NKAIN3: variants seen among roughly 807,000 people sequenced by gnomAD.
NKAIN3 encodes sodium/potassium-transporting ATPase subunit beta-1-interacting protein 3.
A neutral mutation model predicts 30.2 loss-of-function variants in NKAIN3; 25 were observed. That is an observed-to-expected ratio of 0.83 (90% CI 0.60 to 1.16). The LOEUF is 1.16. NKAIN3 is among the 50% of genes most tolerant of loss of function. The pLI, the probability that NKAIN3 is intolerant of heterozygous loss-of-function variation, is 0.00. For missense variants in NKAIN3, 225 were observed against 254.1 expected (o/e 0.89, Z 0.78); for synonymous variants, 91 against 89.6 (o/e 1.02, Z -0.09).
At chr8:62,404,437 G>A (rs1450906664) in intron 1 of NKAIN3, among the ~76,000 whole-genome samples, 3 of 152,090 alleles carry the variant, frequency 2.0e-5, no homozygotes, top group African/African-American at 7.2e-5. Context: ...GGATGGAGCC[G>A]GTAGGAGGTA....
chr8:62,528,794 C>A (rs1808398185), intron 1 of NKAIN3, among the ~76,000 whole-genome samples: 1 of 152,054 alleles, frequency 6.6e-6, no homozygotes, highest in South Asian at 2.1e-4. Context: ...TTATTTGCAA[C>A]CACAAGCTTG....
In NKAIN3 at chr8:62,698,115, T is replaced by C. The variant is rs143829730; in HGVS notation, c.274-48817T>C. 1.1e-3 allele frequency among the ~76,000 whole-genome samples: 167 copies of C among 151,860 alleles called. 1 individual carries two copies. Among genetic ancestry groups the C allele is most frequent in the Admixed American group, 3.4e-3 (52 of 15,254 alleles). On this transcript the variant is annotated intron_variant, in intron 3 of 6. Transcript: ENST00000623646. ...AGTAACAGATTAAATCAGTACAAACTGGGAAATAGAAAAAAAAGATATAAG... is the reference window on the plus strand; with the variant it reads ...AGTAACAGATTAAATCAGTACAAACCGGGAAATAGAAAAAAAAGATATAAG...
intron 3 of NKAIN3, among the ~76,000 whole-genome samples, chr8:62,663,134 C>G (rs566528693): frequency 3.2e-4 from 48 of 152,086 alleles, no homozygotes; most frequent in African/African-American, 1.2e-3. Context: ...CCTGTGCTGC[C>G]CAAAGCAGAG....
At chr8:62,757,511 C>T (rs760637829) in intron 4 of NKAIN3, among the ~76,000 whole-genome samples, 4 of 152,130 alleles carry the variant, frequency 2.6e-5, no homozygotes, top group African/African-American at 4.8e-5. Context: ...CGTGGTCCTT[C>T]CTGCTGTACC....
chr8:62,702,504 C>A (rs1453501588), intron 3 of NKAIN3, among the ~76,000 whole-genome samples: 4 of 152,074 alleles, frequency 2.6e-5, no homozygotes, highest in Non-Finnish European at 5.9e-5. Context: ...GACAAAATTT[C>A]TGTGGAAAAT....
intron 1 of NKAIN3, among the ~76,000 whole-genome samples, chr8:62,503,689 G>T (rs1029021587): frequency 2.0e-5 from 3 of 152,050 alleles, no homozygotes; most frequent in African/African-American, 4.8e-5. Context: ...GGTAGGAAAA[G>T]AATTTAGTGA....
At chr8:62,857,316 A>T (rs773155403) in intron 4 of NKAIN3, among the ~76,000 whole-genome samples, 1 of 152,186 alleles carries the variant, frequency 6.6e-6, no homozygotes, top group African/African-American at 2.4e-5. Context: ...TCTGATGATT[A>T]TGTATCTTGG....
intron 5 of NKAIN3, among the ~76,000 whole-genome samples, chr8:62,995,008 CCTAAAGTAGA>C (rs369035476): frequency 6.6e-6 from 1 of 152,052 alleles, no homozygotes; most frequent in Non-Finnish European, 1.5e-5. Flanking sequence ...TGAAATTGTA[CCTAAAGTAGA>C]CTAATCCAGA....
chr8:62,971,060 A>G lies in NKAIN3; in HGVS notation c.*5653A>G, dbSNP rs1266311684. Among the ~76,000 whole-genome samples, 2 of 77,512 alleles carry G rather than the reference A, an allele frequency of 2.6e-5. No homozygotes were observed. The highest frequency in any genetic ancestry group is 4.8e-5 in the Non-Finnish European group (2 of 41,788). The allele number at this position is 77,512 out of a possible 152,430, so 50.9% of individuals were successfully genotyped here. A position where few individuals can be genotyped will look rare whatever the true frequency, so the allele number is the denominator to read the frequency against. On this transcript the variant is annotated 3_prime_UTR_variant, in exon 7 of 7. Transcript: ENST00000623646. ...GGATGTGATTTCCCTAGAGACAAGG[A>G]CCGAGACTCCTCTCATTGCTTCATC...
At chr8:62,527,767 G>A (rs1210775255) in intron 1 of NKAIN3, among the ~76,000 whole-genome samples, 1 of 152,024 alleles carries the variant, frequency 6.6e-6, no homozygotes, top group Non-Finnish European at 1.5e-5. Context: ...GTACAAAACT[G>A]TTTCAGAAAT....
intron 1 of NKAIN3, among the ~76,000 whole-genome samples, chr8:62,292,031 C>G (rs1813656935): frequency 6.6e-6 from 1 of 152,062 alleles, no homozygotes; most frequent in African/African-American, 2.4e-5. Flanking sequence ...GGTTTAAAGT[C>G]TGTTTTATCA....
chr8:62,714,292 G>A (rs1282887527), intron 3 of NKAIN3, among the ~76,000 whole-genome samples: 1 of 151,456 alleles, frequency 6.6e-6, no homozygotes, highest in Admixed American at 6.6e-5. Flanking sequence ...TAACATACTA[G>A]GGTACCTAAC....
intron 2 of NKAIN3, among the ~76,000 whole-genome samples, chr8:62,583,446 T>C (rs769584062): frequency 6.6e-6 from 1 of 152,178 alleles, no homozygotes; most frequent in Non-Finnish European, 1.5e-5. Flanking sequence ...CAGGATCCTC[T>C]CTCAGGAAGG....
At chr8:62,582,551 C>T (rs1810338826) in intron 2 of NKAIN3, among the ~76,000 whole-genome samples, 3 of 151,854 alleles carry the variant, frequency 2.0e-5, no homozygotes, top group Admixed American at 6.6e-5. Flanking sequence ...GAGTGAGTCA[C>T]GAGTATGAGA....
At chr8:62,629,599 A>T (rs1440567255) in intron 3 of NKAIN3, among the ~76,000 whole-genome samples, 4 of 152,156 alleles carry the variant, frequency 2.6e-5, no homozygotes, top group Admixed American at 6.6e-5. Flanking sequence ...AATGCTAGGC[A>T]TTATTTTCAT....
chr8:62,387,644 CTT>C (rs1817469242), intron 1 of NKAIN3, among the ~76,000 whole-genome samples: 1 of 152,190 alleles, frequency 6.6e-6, no homozygotes. Context: ...GGTGCAGTAA[CTT>C]TTCCATTGTG....
At chr8:62,664,603 A>C (rs1035892072) in intron 3 of NKAIN3, among the ~76,000 whole-genome samples, 1 of 152,124 alleles carries the variant, frequency 6.6e-6, no homozygotes, top group African/African-American at 2.4e-5. Context: ...TATTACTGCA[A>C]CTTCCCAGCC....
At chr8:62,365,750 C>T (rs2351666) in intron 1 of NKAIN3, among the ~76,000 whole-genome samples, 147,599 of 152,268 alleles carry the variant, frequency 0.97, 71,595 homozygotes, top group East Asian at 1. Context: ...TGCACTGATA[C>T]CAATCAGTTC....
intron 3 of NKAIN3, among the ~76,000 whole-genome samples, chr8:62,736,259 T>C (rs1176484646): frequency 6.6e-6 from 1 of 152,140 alleles, no homozygotes; most frequent in African/African-American, 2.4e-5. Flanking sequence ...TTACGTCCTT[T>C]GTCTTTGCCT....
Sources: gnomAD v4.1 joint callset for allele counts (sites outside exome capture counted in the v4.1 genomes callset) on GRCh38, gnomAD v4.1.1 for gene constraint, MANE v1.5 for transcripts, NCBI Gene and HGNC (gene_info 2026-07-23, HGNC 2026-07-21) for gene names.